The following IQGAP2 variants were observed in gnomAD, a reference collection of about 807,000 sequenced individuals.
IQGAP2 encodes the protein IQ motif containing GTPase activating protein 2.
Under a neutral mutation model 201.3 loss-of-function variants are expected in IQGAP2, and 173 were observed. The ratio of observed to expected loss-of-function variants is 0.86; its 90% CI spans 0.76 to 0.98. IQGAP2 has a LOEUF of 0.98. IQGAP2 is among the 50% of genes least tolerant of loss of function. IQGAP2 has a pLI of 0.00. For synonymous variants in IQGAP2, 675 were observed against 673.9 expected (o/e 1.00, Z -0.03); for missense variants, 1,687 against 1,864.8 (o/e 0.90, Z 1.76).
intron 33 of IQGAP2, 132 bp from the exon 34 acceptor site, chr5:76,700,944 T>G: frequency 1.2e-6 from 1 of 830,170 alleles, no homozygotes; most frequent in East Asian, 2.7e-5. Context: ...TATCACAAAA[T>G]AAAAAAGTGT....
chr5:76,479,958 T>C (rs1580281706), intron 2 of IQGAP2, among the ~76,000 whole-genome samples: 1 of 152,090 alleles, frequency 6.6e-6, no homozygotes, highest in African/African-American at 2.4e-5. Context: ...CTGATGTGTC[T>C]CCCAGGCTGG....
Position 76,654,932 on chromosome 5 carries a change from A to G in IQGAP2, c.2251-2A>G. The G allele has an allele frequency of 6.2e-7, 1 of 1,605,296 alleles. No homozygotes were observed. The highest frequency in any genetic ancestry group is 8.5e-7 in the Non-Finnish European group (1 of 1,172,248). On this transcript the variant is annotated splice_acceptor_variant, in intron 19 of 35. Coordinates refer to ENST00000274364, the MANE Select transcript of IQGAP2 (RefSeq NM_006633.5). LOFTEE classifies it high-confidence loss of function. ...ATCAAGACTTGTCTTAATCTTTTGCAGAATAATGAAATTGTGAAAATACAG... is the reference window on the plus strand; with the variant it reads ...ATCAAGACTTGTCTTAATCTTTTGCGGAATAATGAAATTGTGAAAATACAG...
At chr5:76,617,296 T>G in intron 13 of IQGAP2, 3 of 266,324 alleles carry the variant, frequency 1.1e-5, no homozygotes, top group African/African-American at 2.2e-5. Flanking sequence ...AATACAAGTA[T>G]TTTTAGTAGC....
At chr5:76,684,167 T>C (rs1745543254) in intron 30 of IQGAP2, among the ~76,000 whole-genome samples, 1 of 152,196 alleles carries the variant, frequency 6.6e-6, no homozygotes, top group Non-Finnish European at 1.5e-5. Flanking sequence ...TTTTTTTCCT[T>C]TGAGAAATGA....
intron 2 of IQGAP2, among the ~76,000 whole-genome samples, chr5:76,473,263 T>C (rs1244861019): frequency 6.6e-6 from 1 of 152,140 alleles, no homozygotes; most frequent in Admixed American, 6.5e-5. Flanking sequence ...CAATAAATTC[T>C]CACTTAAGCT....
At chr5:76,625,971 T>C (rs1750183710) in intron 13 of IQGAP2, among the ~76,000 whole-genome samples, 1 of 152,232 alleles carries the variant, frequency 6.6e-6, no homozygotes, top group Non-Finnish European at 1.5e-5. Flanking sequence ...TAAAACACAA[T>C]TGCTACCTGG....
Position 76,654,267 on chromosome 5 carries a change from A to C in IQGAP2, c.2246A>C (p.Asp749Ala). 1.2e-6 allele frequency: 2 copies of C among 1,602,254 alleles called. No homozygotes were observed. The highest frequency in any genetic ancestry group is 1.7e-6 in the Non-Finnish European group (2 of 1,172,350). ...SYLSRLQYFR[D>A]HNNEIVKIQS... The stretch of plus-strand genomic sequence containing the variant: ...CTTTCAAGACTACAGTATTTCAGAG[A>C]TCATGTAAGAAAAATGCCTGTGGGA... The change falls in exon 19 of 36, where the codon GAT becomes GCT. Residue 749 changes from aspartate (D) to alanine (A), a missense_variant. Physicochemically the swap from Asp to Ala is moderately radical, Grantham distance 126. Coordinates refer to ENST00000274364, the MANE Select transcript of IQGAP2 (RefSeq NM_006633.5).
At chr5:76,572,099 G>A (rs1745153427) in intron 4 of IQGAP2, among the ~76,000 whole-genome samples, 1 of 152,146 alleles carries the variant, frequency 6.6e-6, no homozygotes, top group Non-Finnish European at 1.5e-5. Context: ...CAATATATAA[G>A]TGTAATCATA....
chr5:76,496,746 TTTC>T (rs1321545590), intron 2 of IQGAP2, among the ~76,000 whole-genome samples: 778 of 56,892 alleles, frequency 0.014, 46 homozygotes, highest in African/African-American at 0.051. Flanking sequence ...TCTTTCTTTC[TTTC>T]TTTCTTTCTT....
intron 2 of IQGAP2, among the ~76,000 whole-genome samples, chr5:76,500,807 A>G (rs191183406): frequency 6.6e-6 from 1 of 152,218 alleles, no homozygotes; most frequent in African/African-American, 2.4e-5. Flanking sequence ...AGATCATAGA[A>G]TAGCCTTTCC....
chr5:76,707,912 A>G lies in IQGAP2; in HGVS notation c.*599A>G, dbSNP rs1748046516. 6.5e-6 allele frequency: 1 copy of G among 152,688 alleles called. No homozygotes were observed. Among genetic ancestry groups the G allele is most frequent in the Admixed American group, 6.5e-5 (1 of 15,280 alleles). 9.5% of individuals were successfully genotyped at this position (152,688 alleles called of 1,614,324 possible). A position where few individuals can be genotyped will look rare whatever the true frequency, so the allele number is the denominator to read the frequency against. On this transcript the variant is annotated 3_prime_UTR_variant, in exon 36 of 36. Transcript: ENST00000274364. ...TATTCCTACTAAATGAAAGTGCACT[A>G]CTGCCTCATGTAAAGACTCTTGCAC...
At chr5:76,510,434 GGGGTGGCGCCTGA>G (rs1328397473) in intron 2 of IQGAP2, 3 of 289,858 alleles carry the variant, frequency 1.0e-5, no homozygotes, top group Non-Finnish European at 2.1e-5. Context: ...CATACAGGCA[GGGGTGGCGCCTGA>G]GGGTCCCGGG....
chr5:76,439,870 A>T (rs1464495677), intron 1 of IQGAP2, among the ~76,000 whole-genome samples: 1 of 152,134 alleles, frequency 6.6e-6, no homozygotes, highest in Non-Finnish European at 1.5e-5. Context: ...TTGAAATGTG[A>T]GGTACTGTTC....
chr5:76,460,524 A>G (rs1754384521), intron 1 of IQGAP2, among the ~76,000 whole-genome samples: 1 of 151,408 alleles, frequency 6.6e-6, no homozygotes, highest in Non-Finnish European at 1.5e-5. Context: ...GAAAAGGGGT[A>G]GTGGCTGAGT....
intron 2 of IQGAP2, among the ~76,000 whole-genome samples, chr5:76,550,660 G>A (rs1309974153): frequency 3.3e-5 from 5 of 152,178 alleles, no homozygotes; most frequent in South Asian, 2.1e-4. Context: ...CAGAGAGCAC[G>A]GGGTTGGGGG....
rs747568701 is a variant in IQGAP2, at chr5:76,478,365, C to A, written c.146+16696C>A. Among the ~76,000 whole-genome samples the A allele has an allele frequency of 2.6e-5, 4 of 152,218 alleles. No individual in the cohort carries two copies. In the South Asian group the frequency reaches 6.2e-4, roughly 24 times the overall value. ...GCAGTGAGCCGAGATCGTGCCACTG[C>A]ACTTCAGCCTAGGAGACAGTGAGAC... On this transcript the variant is annotated intron_variant, in intron 2 of 35. Transcript: ENST00000274364.
intron 2 of IQGAP2, among the ~76,000 whole-genome samples, chr5:76,502,983 G>A (rs1435979019): frequency 6.6e-6 from 1 of 151,568 alleles, no homozygotes. Context: ...AGGCTCAAGT[G>A]ATCCTCCTTG....
intron 17 of IQGAP2, among the ~76,000 whole-genome samples, chr5:76,647,949 T>C (rs1006859283): frequency 6.6e-6 from 1 of 152,126 alleles, no homozygotes; most frequent in Admixed American, 6.5e-5. Flanking sequence ...CCCAGACTTA[T>C]AGAATCTGGA....
rs144405948 is a variant in IQGAP2 at position 76,701,199 on chromosome 5, T to C, written c.4491T>C (p.Asp1497=). ...HEKGVLLDID[D]LQTNQFKNVT... The stretch of plus-strand genomic sequence containing the variant: ...AAGGTGTCCTGCTAGATATAGATGA[T>C]CTTCAAACAAACCAGTAAGTGTGAC... The change falls in exon 34 of 36, where the codon GAT becomes GAC. Residue 1497 remains aspartate, a synonymous_variant. Transcript: ENST00000274364. 7.4e-6 allele frequency: 12 copies of C among 1,614,024 alleles called. No individual in the cohort carries two copies. The African/African-American group carries it at 1.6e-4, about 22-fold the overall frequency.
Sources: allele counts gnomAD v4.1 joint callset (sites outside exome capture counted in the v4.1 genomes callset), GRCh38; gene constraint gnomAD v4.1.1; transcripts MANE v1.5; gene names NCBI Gene and HGNC (gene_info 2026-07-23, HGNC 2026-07-21).